Variants in RNF38 observed in about 807,000 individuals in gnomAD.
The protein encoded by RNF38 is E3 ubiquitin-protein ligase RNF38.
In RNF38, 15 loss-of-function variants were observed where a neutral mutation model predicts 67.2. The ratio of observed to expected loss-of-function variants is 0.22; its 90% CI spans 0.15 to 0.34. The LOEUF (loss-of-function observed/expected upper bound fraction) is 0.34. Ranked by LOEUF, RNF38 falls within the 10% of genes least tolerant of loss-of-function variation. RNF38 has a pLI of 1.00. For missense variants in RNF38, 524 were observed against 639.9 expected, an observed-to-expected ratio of 0.82 and a Z score of 1.95; for synonymous variants, 220 against 218.8, an observed-to-expected ratio of 1.01 and a Z score of -0.05.
intron 1 of RNF38, among the ~76,000 whole-genome samples, chr9:36,462,516 G>C (rs773223105): frequency 2.5e-4 from 38 of 152,054 alleles, no homozygotes; most frequent in Non-Finnish European, 5.0e-4. Flanking sequence ...TAATAGTCTA[G>C]AAGGTCACCA....
intron 1 of RNF38, among the ~76,000 whole-genome samples, chr9:36,455,567 G>A (rs78002168): frequency 1.3e-5 from 2 of 151,990 alleles, no homozygotes; most frequent in East Asian, 3.9e-4. Context: ...TGGATCATGA[G>A]GTCAGGAGTT....
intron 1 of RNF38, among the ~76,000 whole-genome samples, chr9:36,462,110 T>C (rs1839746460): frequency 6.6e-6 from 1 of 152,178 alleles, no homozygotes; most frequent in African/African-American, 2.4e-5. Context: ...ATTACGTGGA[T>C]AACTCTGGTA....
chr9:36,434,325 G>GGGGAAGGAGGAGGGGGAGGGCA (rs1839009962), intron 1 of RNF38, among the ~76,000 whole-genome samples: 6 of 124,888 alleles, frequency 4.8e-5, no homozygotes, highest in Admixed American at 4.8e-4. Flanking sequence ...GAGGGGGATG[G>GGGGAAGGAGGAGGGGGAGGGCA]GGGAAGGAGG....
intron 3 of RNF38, among the ~76,000 whole-genome samples, chr9:36,373,526 G>A (rs191545339): frequency 6.6e-6 from 1 of 151,774 alleles, no homozygotes; most frequent in Non-Finnish European, 1.5e-5. Context: ...TAGCACCTGA[G>A]GCCTTTGAGG....
chr9:36,422,427 A>C lies in RNF38; in HGVS notation n.312+2186T>G, dbSNP rs555251409. Among the ~76,000 whole-genome samples the C allele has an allele frequency of 7.5e-4, 112 of 150,012 alleles. 1 individual carries two copies. The highest frequency in any genetic ancestry group is 2.8e-3 in the African/African-American group (109 of 39,460). On this transcript the variant is annotated intron_variant and non_coding_transcript_variant, in intron 2 of 3. Transcript: ENST00000488058. ...GGGAGACTCAGTCTACCCACCAAAAAACAAAAAAAAAAAAACAGGAGAGAA... is the reference window on the plus strand; with the variant it reads ...GGGAGACTCAGTCTACCCACCAAAACACAAAAAAAAAAAAACAGGAGAGAA...
At chr9:36,476,482 A>G (rs1370040458) in intron 1 of RNF38, among the ~76,000 whole-genome samples, 7 of 141,452 alleles carry the variant, frequency 4.9e-5, no homozygotes, top group Non-Finnish European at 1.1e-4. Flanking sequence ...TCAAAGGATT[A>G]TTTGGGCAAT....
At chr9:36,427,702 T>TCTATCTACCTAC (rs1554694676) in intron 1 of RNF38, among the ~76,000 whole-genome samples, 9 of 139,412 alleles carry the variant, frequency 6.5e-5, no homozygotes, top group Non-Finnish European at 1.2e-4. Context: ...TATCTATCTA[T>TCTATCTACCTAC]CTACCTACCT....
At chr9:36,457,632 G>A (rs1587173377) in intron 1 of RNF38, among the ~76,000 whole-genome samples, 1 of 152,296 alleles carries the variant, frequency 6.6e-6, no homozygotes, top group East Asian at 1.9e-4. Flanking sequence ...AGGGGACTGG[G>A]CATGGTGGCT....
chr9:36,396,339 G>GT (rs1013527252), intron 1 of RNF38, among the ~76,000 whole-genome samples: 3 of 152,088 alleles, frequency 2.0e-5, no homozygotes, highest in Non-Finnish European at 4.4e-5. Context: ...TGGTTGCCCA[G>GT]TAAGTCCACC....
intron 1 of RNF38, among the ~76,000 whole-genome samples, chr9:36,438,125 G>C (rs1455472735): frequency 6.6e-6 from 1 of 152,082 alleles, no homozygotes; most frequent in Non-Finnish European, 1.5e-5. Flanking sequence ...ATTTTTTGCA[G>C]AGACAGGGTC....
chr9:36,477,423 C>T (rs1840146161), intron 1 of RNF38, among the ~76,000 whole-genome samples: 1 of 152,022 alleles, frequency 6.6e-6, no homozygotes, highest in Admixed American at 6.6e-5. Context: ...TGCCTATAAT[C>T]CCAGCACTTT....
At chr9:36,375,740 T>A (rs546042578) in intron 3 of RNF38, among the ~76,000 whole-genome samples, 194 bp downstream of exon 3, 1 of 152,346 alleles carries the variant, frequency 6.6e-6, no homozygotes, top group Non-Finnish European at 1.5e-5. Flanking sequence ...TTTCTTCATC[T>A]GTCAATGATA....
chr9:36,475,482 C>T (rs1016746251), intron 1 of RNF38, among the ~76,000 whole-genome samples: 1 of 151,630 alleles, frequency 6.6e-6, no homozygotes, highest in Non-Finnish European at 1.5e-5. Flanking sequence ...CTCAGCCTCC[C>T]AAGGAGCTGG....
Position 36,336,977 on chromosome 9 carries a change from G to GC in RNF38, c.*2774dup, listed in dbSNP as rs1832489487. The GC allele has an allele frequency of 6.6e-6, 1 of 151,980 alleles. No individual in the cohort carries two copies. Among genetic ancestry groups the GC allele is most frequent in the African/African-American group, 2.4e-5 (1 of 41,384 alleles). 9.4% of individuals were successfully genotyped at this position (151,980 alleles called of 1,614,324 possible). On this transcript the variant is annotated 3_prime_UTR_variant, in exon 12 of 12. Coordinates refer to ENST00000259605, the MANE Select transcript of RNF38 (RefSeq NM_022781.5). ...CCTGGAGGCCTTATTTTTTTGAGGG[G>GC]CTGGGGGTTAAAAAAACACCAAAGA...
chr9:36,487,158 G>A, intron 1 of RNF38: 2 of 438,470 alleles, frequency 4.6e-6, no homozygotes, highest in Non-Finnish European at 6.1e-6. Flanking sequence ...GAGGCGCAGG[G>A]CTCGCAGGGG....
In RNF38 at chr9:36,369,852, T is replaced by G; in HGVS notation, c.437A>C (p.His146Pro). 6.2e-7 allele frequency: 1 copy of G among 1,613,834 alleles called. No individual in the cohort carries two copies. Among genetic ancestry groups the G allele is most frequent in the Non-Finnish European group, 8.5e-7 (1 of 1,180,032 alleles). The change falls in exon 4 of 12, where the codon CAT (histidine) becomes CCT (proline). Residue 146 changes from histidine to proline, a missense_variant. Physicochemically the swap from His to Pro is moderately conservative, Grantham distance 77. Transcript: ENST00000259605. ...TGCTTGCTGCTGTGCGTAAGGGAGA[T>G]GGTGATAGTTTTCATCTTGACTAAT... ...NSISQDENYH[H>P]LPYAQQQAIE...
intron 1 of RNF38, among the ~76,000 whole-genome samples, chr9:36,451,494 T>TTGTTTTTTTGTTTG (rs1554698284): frequency 7.7e-6 from 1 of 130,612 alleles, no homozygotes; most frequent in African/African-American, 3.0e-5. Context: ...TGTAGTAGTT[T>TTGTTTTTTTGTTTG]TTTTTTTTTT....
chr9:36,380,996 A>G (rs1413632078), intron 2 of RNF38, among the ~76,000 whole-genome samples: 1 of 152,184 alleles, frequency 6.6e-6, no homozygotes, highest in African/African-American at 2.4e-5. Flanking sequence ...GGAAGACAAG[A>G]AAAAGTCATT....
chr9:36,416,006 T>A (rs1838456482), intron 2 of RNF38, among the ~76,000 whole-genome samples: 1 of 151,986 alleles, frequency 6.6e-6, no homozygotes, highest in Admixed American at 6.6e-5. Flanking sequence ...GATACAAGTT[T>A]GCCCTAAGGT....
Sources: allele counts gnomAD v4.1 joint callset (sites outside exome capture counted in the v4.1 genomes callset), GRCh38; gene constraint gnomAD v4.1.1; transcripts MANE v1.5; gene names NCBI Gene and HGNC (gene_info 2026-07-23, HGNC 2026-07-21).